PARN: variants seen among roughly 807,000 people sequenced by gnomAD.
PARN encodes the protein poly(A)-specific ribonuclease, also known as poly(A)-specific ribonuclease PARN.
PARN carries 71 observed loss-of-function variants against 102.8 expected under a neutral mutation model. The ratio of observed to expected loss-of-function variants is 0.69; its 90% confidence interval spans 0.57 to 0.84. The LOEUF (loss-of-function observed/expected upper bound fraction) is 0.84. Ranked by LOEUF, PARN falls within the 40% of genes least tolerant of loss-of-function variation. PARN has a pLI of 0.00. For missense variants in PARN, 782 were observed against 760.9 expected, an observed-to-expected ratio of 1.03 and a Z score of -0.33; for synonymous variants, 261 against 252.9, an observed-to-expected ratio of 1.03 and a Z score of -0.30.
chr16:14,442,648 T>G (rs1960996357), intron 23 of PARN, among the ~76,000 whole-genome samples: 1 of 152,070 alleles, frequency 6.6e-6, no homozygotes, highest in Non-Finnish European at 1.5e-5. Context: ...CTTGGAGTCT[T>G]GCTCTGTCAC....
rs1221390573 is a variant in PARN, at chr16:14,552,074, A to G, written c.1427T>C (p.Ile476Thr). 3.1e-6 allele frequency: 5 copies of G among 1,610,114 alleles called. No homozygotes were observed. The highest frequency in any genetic ancestry group is 2.7e-5 in the African/African-American group (2 of 74,850). The change falls in exon 21 of 24, where the codon ATT becomes ACT. Residue 476 changes from isoleucine (I) to threonine (T), a missense_variant. By Grantham distance (89) the Ile-to-Thr change is moderately conservative. Coordinates refer to ENST00000437198, the MANE Select transcript of PARN (RefSeq NM_002582.4). ...SAFGNIQISW[I>T]DDTSAFVSLS... Reference sequence around the variant, plus strand: ...GGAAACAAATGCTGATGTGTCATCAATCCAGGATATCTGAATGTTACCTGC... The same window carrying G: ...GGAAACAAATGCTGATGTGTCATCAGTCCAGGATATCTGAATGTTACCTGC...
chr16:14,487,445 G>A (rs2151604929), intron 21 of PARN, among the ~76,000 whole-genome samples: 1 of 152,280 alleles, frequency 6.6e-6, no homozygotes, highest in South Asian at 2.1e-4. Context: ...CTACTGTCAA[G>A]CAAAGACTTT....
intron 21 of PARN, among the ~76,000 whole-genome samples, chr16:14,523,120 T>C (rs1009170674): frequency 2.7e-5 from 4 of 150,938 alleles, no homozygotes; most frequent in Non-Finnish European, 5.9e-5. Context: ...CGGACAAAAA[T>C]GAGTTCAGGA....
At chr16:14,444,460 TAG>T (rs1046717486) in intron 23 of PARN, among the ~76,000 whole-genome samples, 1 of 152,184 alleles carries the variant, frequency 6.6e-6, no homozygotes, top group African/African-American at 2.4e-5. Flanking sequence ...AAATAACTTA[TAG>T]AAAGTTTTCA....
intron 21 of PARN, among the ~76,000 whole-genome samples, chr16:14,523,571 A>T (rs1965848501): frequency 6.6e-6 from 1 of 152,212 alleles, no homozygotes; most frequent in Admixed American, 6.5e-5. Flanking sequence ...ACAGTCAGAG[A>T]AGTCTATCCT....
At chr16:14,550,454 C>T (rs1186621369) in intron 21 of PARN, among the ~76,000 whole-genome samples, 2 of 152,038 alleles carry the variant, frequency 1.3e-5, no homozygotes, top group African/African-American at 2.4e-5. Context: ...CACTAAAGTC[C>T]ATACTATTAT....
At chr16:14,618,170 C>G (rs745619379) in intron 5 of PARN, among the ~76,000 whole-genome samples, 1 of 151,972 alleles carries the variant, frequency 6.6e-6, no homozygotes, top group Non-Finnish European at 1.5e-5. Context: ...ATGGTGAAAC[C>G]CTGTCTCTAC....
chr16:14,453,318 C>T (rs1335118682), intron 22 of PARN, among the ~76,000 whole-genome samples: 3 of 152,178 alleles, frequency 2.0e-5, no homozygotes, highest in Non-Finnish European at 2.9e-5. Flanking sequence ...ATCTCCAGTA[C>T]TTTTTCCTTT....
At chr16:14,564,172 G>A (rs1024785542) in intron 18 of PARN, among the ~76,000 whole-genome samples, 2 of 152,122 alleles carry the variant, frequency 1.3e-5, no homozygotes, top group Admixed American at 6.6e-5. Flanking sequence ...GAGTACCAGC[G>A]GGAGCAGCTA....
intron 6 of PARN, among the ~76,000 whole-genome samples, chr16:14,614,814 C>A (rs759062926): frequency 8.1e-6 from 1 of 123,454 alleles, no homozygotes; most frequent in Non-Finnish European, 1.6e-5. Context: ...CACCATTGCA[C>A]TCCAGCATGG....
chr16:14,535,176 C>T (rs1293200358), intron 21 of PARN, among the ~76,000 whole-genome samples: 3 of 152,126 alleles, frequency 2.0e-5, no homozygotes, highest in South Asian at 2.1e-4. Flanking sequence ...ATAATCTTAT[C>T]ACCTGAAAGT....
intron 18 of PARN, among the ~76,000 whole-genome samples, chr16:14,572,741 T>C (rs906182998): frequency 2.6e-5 from 4 of 152,214 alleles, no homozygotes; most frequent in African/African-American, 7.2e-5. Flanking sequence ...CTAGCAGAAG[T>C]AGACACTTCA....
chr16:14,612,920 G>T (rs1435213171), intron 6 of PARN, among the ~76,000 whole-genome samples: 1 of 151,842 alleles, frequency 6.6e-6, no homozygotes, highest in Non-Finnish European at 1.5e-5. Flanking sequence ...ATCATCTAAG[G>T]GAATACACAA....
intron 5 of PARN, among the ~76,000 whole-genome samples, chr16:14,620,170 G>A (rs1256574518): frequency 1.3e-5 from 2 of 151,070 alleles, no homozygotes; most frequent in African/African-American, 4.9e-5. Flanking sequence ...AAGGTCAGGA[G>A]ATCGAGACCA....
intron 21 of PARN, among the ~76,000 whole-genome samples, chr16:14,524,631 G>A (rs899676789): frequency 6.6e-6 from 1 of 152,110 alleles, no homozygotes; most frequent in African/African-American, 2.4e-5. Context: ...ATATGTTACT[G>A]AAGATATTTT....
chr16:14,599,092 G>A (rs1414565036), intron 12 of PARN, among the ~76,000 whole-genome samples: 2 of 145,174 alleles, frequency 1.4e-5, no homozygotes, highest in African/African-American at 5.1e-5. Flanking sequence ...ACCCAGGCTG[G>A]GGTGCAATGG....
Position 14,519,170 on chromosome 16 carries a change from G to C in PARN, c.1480+32851C>G, listed in dbSNP as rs576351017. ...GAACGTATATATTTAGGACAAAAAA[G>C]ATTAAGTAGAAAACCTATAGTCCTG... On this transcript the variant is annotated intron_variant, in intron 21 of 23. Transcript: ENST00000437198. 1.4e-3 allele frequency among the ~76,000 whole-genome samples: 219 copies of C among 151,044 alleles called. 1 individual carries two copies. The highest frequency in any genetic ancestry group is 5.3e-3 in the African/African-American group (216 of 41,090).
At chr16:14,533,037 T>C (rs1488459531) in intron 21 of PARN, among the ~76,000 whole-genome samples, 2 of 151,980 alleles carry the variant, frequency 1.3e-5, no homozygotes, top group Admixed American at 1.3e-4. Flanking sequence ...CTCAGCACTT[T>C]GGGAGGCCAA....
At chr16:14,519,991 G>A (rs990795864) in intron 21 of PARN, among the ~76,000 whole-genome samples, 1 of 152,046 alleles carries the variant, frequency 6.6e-6, no homozygotes, top group Non-Finnish European at 1.5e-5. Flanking sequence ...CTTCCTGATG[G>A]AAGAACACAT....
Sources: gnomAD v4.1 joint callset for allele counts (sites outside exome capture counted in the v4.1 genomes callset) on GRCh38, gnomAD v4.1.1 for gene constraint, MANE v1.5 for transcripts, NCBI Gene and HGNC (gene_info 2026-07-23, HGNC 2026-07-21) for gene names.